The following FBXO42 variants were observed in gnomAD, a reference collection of about 807,000 sequenced individuals.
The protein encoded by FBXO42 is F-box only protein 42.
FBXO42 carries 12 observed loss-of-function variants against 71.7 expected under a neutral mutation model. That is an observed-to-expected ratio of 0.17 (90% CI 0.11 to 0.27). The LOEUF (loss-of-function observed/expected upper bound fraction) is 0.27. FBXO42 is among the 10% of genes least tolerant of loss of function. The probability of loss-of-function intolerance (pLI) is 1.00; values close to 1 mark genes in which losing one functional copy is unlikely to be tolerated. For synonymous variants in FBXO42, 325 were observed against 327.5 expected, an observed-to-expected ratio of 0.99 and a Z score of 0.08; for missense variants, 707 against 911.9, an observed-to-expected ratio of 0.78 and a Z score of 2.89.
chr1:16,343,229 G>A (rs1241973811), intron 1 of FBXO42, among the ~76,000 whole-genome samples: 1 of 152,140 alleles, frequency 6.6e-6, no homozygotes, highest in Non-Finnish European at 1.5e-5. Context: ...GATCCTGATG[G>A]ATAAAAAATT....
chr1:16,330,786 C>CA (rs2082492439), intron 1 of FBXO42, among the ~76,000 whole-genome samples: 1 of 151,742 alleles, frequency 6.6e-6, no homozygotes, highest in Admixed American at 6.6e-5. Flanking sequence ...ATTAAAGATA[C>CA]AAAAAATTAG....
At chr1:16,349,464 T>C (rs1364747307) in intron 1 of FBXO42, among the ~76,000 whole-genome samples, 1 of 152,230 alleles carries the variant, frequency 6.6e-6, no homozygotes, top group Non-Finnish European at 1.5e-5. Context: ...TTACCTTTTA[T>C]TTTACATTTT....
In FBXO42 at chr1:16,310,120, G is replaced by A. The variant is rs528983540; in HGVS notation, c.251-4201C>T. 2.8e-3 allele frequency among the ~76,000 whole-genome samples: 427 copies of A among 150,396 alleles called. 1 individual carries two copies. The highest frequency in any genetic ancestry group is 4.7e-3 in the Non-Finnish European group (320 of 67,522). On this transcript the variant is annotated intron_variant, in intron 2 of 9. Transcript: ENST00000375592. ...TGAGGCAGGAGAATGGCGTGAACCC[G>A]GGAGAGGAGCTTGCAGTGAGCCGAG...
At chr1:16,258,851 C>T (rs2081678732) in intron 4 of FBXO42, among the ~76,000 whole-genome samples, 1 of 152,086 alleles carries the variant, frequency 6.6e-6, no homozygotes, top group South Asian at 2.1e-4. Flanking sequence ...AATCCTCTTG[C>T]TTCAGCCTCT....
intron 1 of FBXO42, among the ~76,000 whole-genome samples, chr1:16,325,698 C>A (rs147162419): frequency 1.3e-5 from 2 of 152,214 alleles, no homozygotes; most frequent in African/African-American, 4.8e-5. Flanking sequence ...GCTTTGTCAC[C>A]TAGGCTGGAG....
intron 1 of FBXO42, among the ~76,000 whole-genome samples, chr1:16,349,298 A>G (rs1405309983): frequency 6.6e-6 from 1 of 152,206 alleles, no homozygotes; most frequent in Non-Finnish European, 1.5e-5. Context: ...TTAACACTAC[A>G]TAGCACTTAA....
At chr1:16,266,389 G>A (rs2081773754) in intron 4 of FBXO42, among the ~76,000 whole-genome samples, 1 of 152,144 alleles carries the variant, frequency 6.6e-6, no homozygotes, top group South Asian at 2.1e-4. Context: ...AGGAGACTGA[G>A]GCGGGAGGAT....
chr1:16,347,079 C>T (rs924338202), intron 1 of FBXO42, among the ~76,000 whole-genome samples: 3 of 151,852 alleles, frequency 2.0e-5, no homozygotes, highest in African/African-American at 7.3e-5. Context: ...GTGACTATTG[C>T]CATATATAAT....
In FBXO42 at chr1:16,251,371, G is replaced by C. The variant is rs779190739; in HGVS notation, c.1453C>G (p.Arg485Gly). ...TTCTGATCTGGTAGTGATCCTCGTC[G>C]GGGGGCCAAAGAAAGTCCTATTTTC... ...DLKIGLSLAPRRGSLPDQKDL... is the reference protein window; with the variant it reads ...DLKIGLSLAPGRGSLPDQKDL... The change falls in exon 10 of 10, where the codon CGA becomes GGA. Residue 485 changes from arginine to glycine, a missense_variant. Coordinates refer to ENST00000375592, the MANE Select transcript of FBXO42 (RefSeq NM_018994.3). This position sits in a 1 kb window ranked among gnomAD's most constrained non-coding sequence, Gnocchi z 4.5. 6.2e-7 allele frequency: 1 copy of C among 1,614,086 alleles called. No individual in the cohort carries two copies. Among genetic ancestry groups the C allele is most frequent in the East Asian group, 2.2e-5 (1 of 44,880 alleles).
intron 1 of FBXO42, among the ~76,000 whole-genome samples, chr1:16,350,752 A>AGACAAGAAAGAAAGACAAGAAAG (rs1482029191): frequency 2.3e-5 from 3 of 131,560 alleles, no homozygotes; most frequent in Non-Finnish European, 5.2e-5. Flanking sequence ...GCAAAAAAAA[A>AGACAAGAAAGAAAGACAAGAAAG]AAAAAAAAGA....
intron 1 of FBXO42, among the ~76,000 whole-genome samples, chr1:16,323,594 C>T (rs541155135): frequency 1.3e-5 from 2 of 149,332 alleles, no homozygotes; most frequent in African/African-American, 4.9e-5. Flanking sequence ...GTCAGGAGTT[C>T]GAGACCAGCC....
chr1:16,278,614 A>G (rs1451976898), intron 4 of FBXO42, among the ~76,000 whole-genome samples: 6 of 152,146 alleles, frequency 3.9e-5, no homozygotes, highest in African/African-American at 9.7e-5. Context: ...CCACAGGCTC[A>G]GGGAAGATAA....
In FBXO42 at chr1:16,250,539, G is replaced by A; in HGVS notation, c.*131C>T. The A allele has an allele frequency of 1.1e-6, 1 of 876,388 alleles. No homozygotes were observed. The highest frequency in any genetic ancestry group is 1.7e-6 in the Non-Finnish European group (1 of 591,390). The allele number at this position is 876,388 out of a possible 1,614,324, so 54.3% of individuals were successfully genotyped here. The stretch of plus-strand genomic sequence containing the variant: ...TGGAGATTTGATCCCAGCCTGGAGT[G>A]ACTTCGGTTGGGAATTAAAGAGTTT... On this transcript the variant is annotated 3_prime_UTR_variant, in exon 10 of 10. Transcript: ENST00000375592. This position sits in a 1 kb window ranked among gnomAD's most constrained non-coding sequence, Gnocchi z 4.7.
intron 4 of FBXO42, chr1:16,294,457 G>C: frequency 7.8e-6 from 2 of 257,464 alleles, no homozygotes; most frequent in Non-Finnish European, 1.5e-5. Flanking sequence ...CAGTTCTCAC[G>C]ACTCTGTGTT....
At chr1:16,269,807 G>A (rs930213921) in intron 4 of FBXO42, among the ~76,000 whole-genome samples, 1 of 152,132 alleles carries the variant, frequency 6.6e-6, no homozygotes, top group Admixed American at 6.5e-5. Flanking sequence ...TTACAGGCAT[G>A]AGCCACCATG....
chr1:16,303,620 T>A (rs1373621028), intron 3 of FBXO42, among the ~76,000 whole-genome samples: 9 of 151,502 alleles, frequency 5.9e-5, no homozygotes, highest in Admixed American at 5.9e-4. Flanking sequence ...TAGGCTGGAG[T>A]ACAGTGGCAT....
intron 1 of FBXO42, among the ~76,000 whole-genome samples, chr1:16,316,730 CAAAAAAAAAA>C (rs71003274): frequency 7.8e-5 from 4 of 51,582 alleles, no homozygotes; most frequent in South Asian, 9.5e-4. Context: ...GAAAGACTCT[CAAAAAAAAAA>C]AAAAAAAAAA....
chr1:16,280,076 G>A (rs1479158511), intron 4 of FBXO42, among the ~76,000 whole-genome samples: 1 of 152,062 alleles, frequency 6.6e-6, no homozygotes, highest in African/African-American at 2.4e-5. Flanking sequence ...TTGAACTCCT[G>A]GCCTCGAATG....
At chr1:16,289,816 C>T (rs946372447) in intron 4 of FBXO42, among the ~76,000 whole-genome samples, 4 of 151,956 alleles carry the variant, frequency 2.6e-5, no homozygotes, top group African/African-American at 9.7e-5. Flanking sequence ...CGTTTGTATT[C>T]GCAGCTACTC....
Sources: allele counts gnomAD v4.1 joint callset (sites outside exome capture counted in the v4.1 genomes callset), GRCh38; gene constraint gnomAD v4.1.1; non-coding constraint Gnocchi (gnomAD v3.1); transcripts MANE v1.5; gene names NCBI Gene and HGNC (gene_info 2026-07-23, HGNC 2026-07-21).